Variants in NUMB observed in about 807,000 individuals in gnomAD.
NUMB encodes NUMB endocytic adaptor protein.
NUMB carries 29 observed loss-of-function variants against 59.7 expected under a neutral mutation model. The ratio of observed to expected loss-of-function variants is 0.49; its 90% CI spans 0.36 to 0.66. NUMB has a LOEUF of 0.66. Ranked by LOEUF, NUMB falls within the 30% of genes least tolerant of loss-of-function variation. NUMB has a pLI of 0.00. For synonymous variants in NUMB, 288 were observed against 288.2 expected (o/e 1.00, Z 0.01); for missense variants, 723 against 822.0 (o/e 0.88, Z 1.47).
At chr14:73,455,652 T>G (rs898028971) in intron 1 of NUMB, among the ~76,000 whole-genome samples, 2 of 152,260 alleles carry the variant, frequency 1.3e-5, no homozygotes, top group African/African-American at 2.4e-5. Flanking sequence ...CCTTTAAAAA[T>G]ATCTGTATAT....
chr14:73,399,304 C>T (rs546430586), intron 2 of NUMB, among the ~76,000 whole-genome samples: 20 of 152,360 alleles, frequency 1.3e-4, no homozygotes, highest in African/African-American at 4.3e-4. Flanking sequence ...CGGCTCACGC[C>T]TATAATCCTG....
chr14:73,305,929 A>C (rs983249185), intron 6 of NUMB, among the ~76,000 whole-genome samples: 1 of 152,196 alleles, frequency 6.6e-6, no homozygotes, highest in Non-Finnish European at 1.5e-5. Context: ...TTTCAGAGGA[A>C]ACCCAGCTTC....
chr14:73,312,681 T>C (rs1890839026), intron 6 of NUMB, among the ~76,000 whole-genome samples: 1 of 140,756 alleles, frequency 7.1e-6, no homozygotes, highest in African/African-American at 2.8e-5. Context: ...GCCACTGCAC[T>C]CCAGCTTGGG....
chr14:73,430,387 T>C (rs137944319), intron 1 of NUMB, among the ~76,000 whole-genome samples: 2 of 152,226 alleles, frequency 1.3e-5, no homozygotes, highest in African/African-American at 4.8e-5. Flanking sequence ...CCCAGCACTT[T>C]GGGAGGCCGA....
chr14:73,367,248 A>G (rs1894383922), intron 2 of NUMB, among the ~76,000 whole-genome samples: 1 of 149,846 alleles, frequency 6.7e-6, no homozygotes, highest in Non-Finnish European at 1.5e-5. Context: ...AAATATCTAC[A>G]GGTAAATTAT....
chr14:73,400,867 T>C (rs1332720593), intron 2 of NUMB, among the ~76,000 whole-genome samples: 1 of 152,200 alleles, frequency 6.6e-6, no homozygotes, highest in South Asian at 2.1e-4. Context: ...GCCCTATGCA[T>C]CTCTTCCATC....
chr14:73,297,610 T>TA (rs1566731948), intron 6 of NUMB: 3 of 193,908 alleles, frequency 1.5e-5, no homozygotes, highest in Admixed American at 1.1e-4. Context: ...TTCACCCATT[T>TA]AAAAAAATCA....
chr14:73,351,486 C>G (rs1196841489), intron 4 of NUMB, among the ~76,000 whole-genome samples: 4 of 151,810 alleles, frequency 2.6e-5, no homozygotes, highest in South Asian at 4.1e-4. Context: ...GACTCTGTCT[C>G]ATAAATAAAT....
chr14:73,384,538 A>G (rs184304684), intron 2 of NUMB, among the ~76,000 whole-genome samples: 158 of 152,316 alleles, frequency 1.0e-3, no homozygotes, highest in Non-Finnish European at 2.0e-3. Context: ...CAATACATAC[A>G]AGAAAGAAGA....
chr14:73,395,042 TGTG>T (rs1896059812), intron 2 of NUMB, among the ~76,000 whole-genome samples: 1 of 81,914 alleles, frequency 1.2e-5, no homozygotes, highest in Non-Finnish European at 2.3e-5. Context: ...TGTGTTTGTG[TGTG>T]TGTGTGTGTG....
chr14:73,406,059 C>G (rs945330781), intron 2 of NUMB, among the ~76,000 whole-genome samples: 1 of 150,864 alleles, frequency 6.6e-6, no homozygotes, highest in Non-Finnish European at 1.5e-5. Context: ...AACAAAAATA[C>G]CAATATTCTC....
At chr14:73,423,683 G>A (rs1168026232) in intron 1 of NUMB, among the ~76,000 whole-genome samples, 3 of 151,730 alleles carry the variant, frequency 2.0e-5, no homozygotes, top group East Asian at 1.9e-4. Context: ...GGTGGCACAC[G>A]CCTGTAATCC....
At chr14:73,385,308 C>CCT (rs1895451213) in intron 2 of NUMB, among the ~76,000 whole-genome samples, 1 of 112,300 alleles carries the variant, frequency 8.9e-6, no homozygotes. Flanking sequence ...CCAGTTAATT[C>CCT]TTTTTTTTTT....
At chr14:73,375,930 T>C (rs1172268778) in intron 2 of NUMB, among the ~76,000 whole-genome samples, 2 of 152,236 alleles carry the variant, frequency 1.3e-5, no homozygotes, top group Non-Finnish European at 2.9e-5. Flanking sequence ...AGCATGTCCA[T>C]TTTTAAAACC....
intron 6 of NUMB, among the ~76,000 whole-genome samples, chr14:73,304,819 G>C (rs1363473853): frequency 6.6e-6 from 1 of 152,044 alleles, no homozygotes; most frequent in African/African-American, 2.4e-5. Context: ...GGAGTGCGGT[G>C]GTGCGATCTC....
intron 1 of NUMB, among the ~76,000 whole-genome samples, chr14:73,416,749 T>C (rs1009194866): frequency 6.6e-6 from 1 of 151,826 alleles, no homozygotes; most frequent in Non-Finnish European, 1.5e-5. Flanking sequence ...GGCTGAGGCA[T>C]GAGAATCACT....
rs181247547 is a variant in NUMB at position 73,406,886 on chromosome 14, T to C, written c.-101+3051A>G. Among the ~76,000 whole-genome samples, 765 of 152,328 alleles carry C rather than the reference T, an allele frequency of 5.0e-3. 8 individuals carry two copies. The highest frequency in any genetic ancestry group is 0.017 in the African/African-American group (714 of 41,576). Reference sequence around the variant, plus strand: ...TTCATGTGTCTGTTGGCTGCATTAATGTCTTCTTTTGAGAAGTGTCTGTTC... The same window carrying C: ...TTCATGTGTCTGTTGGCTGCATTAACGTCTTCTTTTGAGAAGTGTCTGTTC... On this transcript the variant is annotated intron_variant, in intron 2 of 12. Transcript: ENST00000555238.
chr14:73,388,310 A>G (rs1234712829), intron 2 of NUMB, among the ~76,000 whole-genome samples: 1 of 152,236 alleles, frequency 6.6e-6, no homozygotes, highest in East Asian at 1.9e-4. Context: ...TAATACATTA[A>G]GAATTCTAAT....
rs965369670 is a variant in NUMB, at chr14:73,373,120, A to G, written c.-100-6139T>C. 2.0e-5 allele frequency among the ~76,000 whole-genome samples: 3 copies of G among 152,210 alleles called. No homozygotes were observed. In the South Asian group the frequency reaches 6.2e-4, roughly 32 times the overall value. On this transcript the variant is annotated intron_variant, in intron 2 of 12. Coordinates refer to ENST00000555238, the MANE Select transcript of NUMB (RefSeq NM_001005743.2). ...ATTTAGGAAGTATATTTCCCATAAA[A>G]AATGAACCTTTCCATAGCCACTGCA...
Sources: gnomAD v4.1 joint callset for allele counts (sites outside exome capture counted in the v4.1 genomes callset) on GRCh38, gnomAD v4.1.1 for gene constraint, MANE v1.5 for transcripts, NCBI Gene and HGNC (gene_info 2026-07-23, HGNC 2026-07-21) for gene names.